The following ELK1 variants were observed in gnomAD, a reference collection of about 807,000 sequenced individuals.
ELK1 encodes the protein ETS transcription factor ELK1, also known as ETS domain-containing protein Elk-1.
For missense variants in ELK1, 254 were observed against 381.5 expected, an observed-to-expected ratio of 0.67 and a Z score of 2.78; for synonymous variants, 163 against 176.3, an observed-to-expected ratio of 0.92 and a Z score of 0.60.
In ELK1 at chrX:47,650,497, GC is replaced by G; in HGVS notation, c.-216del. On this transcript the variant is annotated 5_prime_UTR_variant, in exon 1 of 7. Transcript: ENST00000376983. Reference sequence around the variant, plus strand: ...CGGGGGCTCCATACGCGGCCCCACCGCCCCCCAGGCCTGGGTTCCGAGGCGG... The same window carrying G: ...CGGGGGCTCCATACGCGGCCCCACCGCCCCCAGGCCTGGGTTCCGAGGCGG... The G allele has an allele frequency of 6.2e-6, 2 of 323,210 alleles. No individual in the cohort carries two copies. The highest frequency in any genetic ancestry group is 2.8e-5 in the African/African-American group (1 of 35,620). 26.6% of individuals were successfully genotyped at this position (323,210 alleles called of 1,213,427 possible).
chrX:47,644,580 C>T (rs1301243919), intron 2 of ELK1, among the ~76,000 whole-genome samples: 2 of 110,278 alleles, frequency 1.8e-5, no homozygotes, highest in Non-Finnish European at 1.9e-5. Context: ...GGAGAGTAGT[C>T]GCCAAGGAGG....
At chrX:47,649,144 A>C (rs2058051864) in intron 2 of ELK1, 1 of 111,697 alleles carries the variant, frequency 9.0e-6, no homozygotes. Flanking sequence ...AAAGGAACTC[A>C]TTCATATGAA....
intron 4 of ELK1, 65 bp from the exon 5 acceptor site, chrX:47,638,247 G>T: frequency 8.7e-7 from 1 of 1,152,809 alleles, no homozygotes; most frequent in Non-Finnish European, 1.2e-6. Context: ...TTCTCCTGTG[G>T]GCCACCCAGT....
In ELK1 at chrX:47,637,786, C is replaced by A; in HGVS notation, c.1051G>T (p.Ala351Ser). ...GTAGGAAGCAGGGATGGGGTCAGCGCCGGCCCCGGAGCCTGGAGGCCGGAG... is the reference window on the plus strand; with the variant it reads ...GTAGGAAGCAGGGATGGGGTCAGCGACGGCCCCGGAGCCTGGAGGCCGGAG... ...SGSGLQAPGPALTPSLLPTHT... is the reference protein window; with the variant it reads ...SGSGLQAPGPSLTPSLLPTHT... Residue 351 changes from alanine to serine, a missense_variant, in exon 5 of 7, where the codon GCG becomes TCG. By Grantham distance (99) the Ala-to-Ser change is moderately conservative. Coordinates refer to ENST00000376983, the MANE Select transcript of ELK1 (RefSeq NM_001114123.3). The A allele has an allele frequency of 1.7e-6, 2 of 1,196,175 alleles. No individual in the cohort carries two copies. The highest frequency in any genetic ancestry group is 2.3e-6 in the Non-Finnish European group (2 of 887,052).
chrX:47,641,090 G>C (rs905721173), intron 3 of ELK1, 142 bp downstream of exon 3: 1 of 699,691 alleles, frequency 1.4e-6, no homozygotes, highest in African/African-American at 2.2e-5. Flanking sequence ...CCCAATACTG[G>C]TCTTAGGGTA....
intron 2 of ELK1, among the ~76,000 whole-genome samples, chrX:47,644,491 G>T (rs2058037525): frequency 9.0e-6 from 1 of 110,943 alleles, no homozygotes; most frequent in Admixed American, 9.6e-5. Flanking sequence ...ACATGTACAA[G>T]AGTGCGTCAG....
At chrX:47,645,507 G>C (rs1056253976) in intron 2 of ELK1, among the ~76,000 whole-genome samples, 1 of 112,224 alleles carries the variant, frequency 8.9e-6, no homozygotes, top group African/African-American at 3.2e-5. Context: ...AAGAGAAACA[G>C]AGAAGGGTAA....
intron 2 of ELK1, among the ~76,000 whole-genome samples, chrX:47,642,755 C>T (rs1399522682): frequency 1.6e-4 from 18 of 110,352 alleles, no homozygotes; most frequent in Non-Finnish European, 2.6e-4. Context: ...CCCACGACCA[C>T]GCCCGGCTAA....
chrX:47,646,430 A>G (rs2058043728), intron 2 of ELK1, among the ~76,000 whole-genome samples: 1 of 111,179 alleles, frequency 9.0e-6, no homozygotes, highest in African/African-American at 3.3e-5. Flanking sequence ...CCAGCTATAC[A>G]CCACAGTTTT....
At chrX:47,638,217 G>T in intron 4 of ELK1, 35 bp from the exon 5 acceptor site, 1 of 1,188,569 alleles carries the variant, frequency 8.4e-7, no homozygotes, top group South Asian at 1.8e-5. Flanking sequence ...GGGTGTGTAA[G>T]GATTGTTGGG....
chrX:47,644,845 C>T (rs2058038793), intron 2 of ELK1, among the ~76,000 whole-genome samples: 1 of 110,640 alleles, frequency 9.0e-6, no homozygotes. Flanking sequence ...GAGACAGGAG[C>T]CACAAGAGGG....
At position 47,639,225 on chromosome X, in the gene ELK1, G is replaced by C; in HGVS notation, c.324C>G (p.Thr108=). The part of the protein sequence containing the change: ...DCPPQPEVSV[T]STMPNVAPAA... ...CAGGGGCCACATTTGGCATGGTGGA[G>C]GTAACAGACACCTCTGGCTGGGGCG... The change falls in exon 4 of 7, where the codon ACC becomes ACG. Residue 108 remains threonine, a synonymous_variant. Coordinates refer to ENST00000376983, the MANE Select transcript of ELK1 (RefSeq NM_001114123.3). 8.3e-6 allele frequency: 10 copies of C among 1,210,287 alleles called. No individual in the cohort carries two copies. Among genetic ancestry groups the C allele is most frequent in the Non-Finnish European group, 1.1e-5 (10 of 894,721 alleles).
intron 2 of ELK1, among the ~76,000 whole-genome samples, chrX:47,644,927 G>A (rs767468458): frequency 1.8e-5 from 2 of 111,773 alleles, no homozygotes; most frequent in South Asian, 7.5e-4. Context: ...GAGAAGAACA[G>A]ACTGTTGGGG....
At chrX:47,640,545 A>G (rs966169114) in intron 3 of ELK1, among the ~76,000 whole-genome samples, 1 of 111,269 alleles carries the variant, frequency 9.0e-6, no homozygotes, top group Non-Finnish European at 1.9e-5. Context: ...CTGAGAGGGC[A>G]GGATGGGGGA....
intron 4 of ELK1, 105 bp downstream of exon 4, chrX:47,638,790 C>T (rs1412684650): frequency 2.5e-5 from 24 of 946,976 alleles, no homozygotes; most frequent in African/African-American, 3.9e-5. Context: ...TCTCCTTTAA[C>T]GGGACAGCTA....
rs1219823660 is a variant in ELK1 at position 47,635,823 on chromosome X, T to C, written c.*1006A>G. ...GTCCTTTGTACCCGCCCGCAGGAAA[T>C]TGGGGGGCTGGGAGGGAGGGAACTG... On this transcript the variant is annotated 3_prime_UTR_variant, in exon 7 of 7. Coordinates refer to ENST00000376983, the MANE Select transcript of ELK1 (RefSeq NM_001114123.3). The C allele has an allele frequency of 3.6e-5, 4 of 110,969 alleles. No homozygotes were observed. Among genetic ancestry groups the C allele is most frequent in the African/African-American group, 6.6e-5 (2 of 30,305 alleles). The allele number at this position is 110,969 out of a possible 1,213,427, so 9.1% of individuals were successfully genotyped here.
chrX:47,644,705 C>A (rs1307532133), intron 2 of ELK1, among the ~76,000 whole-genome samples: 1 of 110,524 alleles, frequency 9.0e-6, no homozygotes, highest in African/African-American at 3.3e-5. Context: ...TGGAGAGTGC[C>A]TGGCAGGTGA....
chrX:47,646,433 A>G (rs568781286), intron 2 of ELK1, among the ~76,000 whole-genome samples: 3 of 111,255 alleles, frequency 2.7e-5, no homozygotes, highest in South Asian at 3.8e-4. Flanking sequence ...GCTATACACC[A>G]CAGTTTTGTG....
rs2058004957 is a variant in ELK1 at position 47,635,659 on chromosome X, G to A, written c.*1170C>T. 1 of 111,343 alleles carries A rather than the reference G, an allele frequency of 9.0e-6. No homozygotes were observed. The highest frequency in any genetic ancestry group is 3.3e-5 in the African/African-American group (1 of 30,394). 9.2% of individuals were successfully genotyped at this position (111,343 alleles called of 1,213,427 possible). A position where few individuals can be genotyped will look rare whatever the true frequency, so the allele number is the denominator to read the frequency against. ...CTGTCCCCCAAATCACCAACCCCCA[G>A]GTCCCAAGGCCTGGGCTGGGCCAGC... is the stretch of plus-strand genomic sequence containing the variant. On this transcript the variant is annotated 3_prime_UTR_variant, in exon 7 of 7. Coordinates refer to ENST00000376983, the MANE Select transcript of ELK1 (RefSeq NM_001114123.3).
Sources: gnomAD v4.1 joint callset for allele counts (sites outside exome capture counted in the v4.1 genomes callset) on GRCh38, gnomAD v4.1.1 for gene constraint, MANE v1.5 for transcripts, NCBI Gene and HGNC (gene_info 2026-07-23, HGNC 2026-07-21) for gene names.